NEDD4L: variants seen among roughly 807,000 people sequenced by gnomAD.
NEDD4L encodes NEDD4 like E3 ubiquitin protein ligase, also known as E3 ubiquitin-protein ligase NEDD4-like.
NEDD4L carries 54 observed loss-of-function variants against 148.9 expected under a neutral mutation model. The observed-to-expected ratio is 0.36, with a 90% CI of 0.29 to 0.45. NEDD4L has a LOEUF of 0.45. Ranked by LOEUF, NEDD4L falls within the 20% of genes least tolerant of loss-of-function variation. NEDD4L has a pLI of 1.00. For missense variants in NEDD4L, 856 were observed against 1,233.8 expected (o/e 0.69, Z 4.59); for synonymous variants, 433 against 440.7 (o/e 0.98, Z 0.22).
intron 1 of NEDD4L, among the ~76,000 whole-genome samples, chr18:58,111,903 C>T (rs189987768): frequency 6.6e-6 from 1 of 152,192 alleles, no homozygotes; most frequent in Non-Finnish European, 1.5e-5. Context: ...CATTCCCCCC[C>T]AGCAGTGTCT....
chr18:58,169,829 T>C (rs1477102552), intron 2 of NEDD4L, among the ~76,000 whole-genome samples: 1 of 152,160 alleles, frequency 6.6e-6, no homozygotes, highest in African/African-American at 2.4e-5. Flanking sequence ...CACAGGCTGC[T>C]GCTCTGTCCC....
intron 1 of NEDD4L, 149 bp downstream of exon 1, chr18:58,044,857 G>A (rs2081501119): frequency 1.1e-6 from 1 of 934,688 alleles, no homozygotes; most frequent in Non-Finnish European, 1.5e-6. Flanking sequence ...GCGGGATCCA[G>A]GGGAGCTTGG....
intron 2 of NEDD4L, among the ~76,000 whole-genome samples, chr18:58,184,817 A>G (rs1330657210): frequency 9.9e-5 from 15 of 152,086 alleles, no homozygotes; most frequent in Admixed American, 9.8e-4. Context: ...AGTCCCAGCT[A>G]CTTGGGAGGC....
chr18:58,298,422 A>T (rs973560953), intron 5 of NEDD4L, among the ~76,000 whole-genome samples: 1 of 152,242 alleles, frequency 6.6e-6, no homozygotes, highest in South Asian at 2.1e-4. Flanking sequence ...TCCACTGCAC[A>T]ATTAGGGCTT....
chr18:58,322,176 G>A (rs767422759), intron 6 of NEDD4L, among the ~76,000 whole-genome samples: 6 of 152,122 alleles, frequency 3.9e-5, no homozygotes, highest in Non-Finnish European at 8.8e-5. Context: ...ATTTTACTTG[G>A]CAATGACAGC....
rs2047150435 is a variant in NEDD4L, at chr18:58,245,561, A to G, written c.204+53A>G. 7 of 939,236 alleles carry G rather than the reference A, an allele frequency of 7.5e-6. No individual in the cohort carries two copies. In the East Asian group the frequency reaches 7.9e-5, roughly 11 times the overall value. 58.2% of individuals were successfully genotyped at this position (939,236 alleles called of 1,614,324 possible). ...ATTTAAGTCATAATTTAATCCAATT[A>G]TGCACAGTCATGTGCTGCTTAACAC... On this transcript the variant is annotated intron_variant, in intron 3 of 30. Transcript: ENST00000400345.
At chr18:58,188,462 G>A (rs2039718135) in intron 2 of NEDD4L, among the ~76,000 whole-genome samples, 1 of 152,196 alleles carries the variant, frequency 6.6e-6, no homozygotes, top group African/African-American at 2.4e-5. Flanking sequence ...TGCAGACTGG[G>A]AAACAGAGTC....
intron 1 of NEDD4L, among the ~76,000 whole-genome samples, chr18:58,123,070 C>T (rs1422831276): frequency 2.0e-5 from 3 of 152,190 alleles, no homozygotes; most frequent in African/African-American, 4.8e-5. Flanking sequence ...GTTCTTGCCT[C>T]TGTGCCTTTT....
intron 2 of NEDD4L, among the ~76,000 whole-genome samples, chr18:58,202,643 G>C (rs936666759): frequency 2.0e-5 from 3 of 152,240 alleles, no homozygotes; most frequent in Non-Finnish European, 4.4e-5. Context: ...GTTCACACCA[G>C]CCTCCCCCTG....
intron 17 of NEDD4L, 35 bp downstream of exon 17, chr18:58,349,649 T>C (rs781171225): frequency 6.6e-7 from 1 of 1,504,912 alleles, no homozygotes; most frequent in East Asian, 2.3e-5. Flanking sequence ...ATGGTCTGAA[T>C]ATGTGTGTTC....
chr18:58,201,315 A>G (rs1351457210), intron 2 of NEDD4L, among the ~76,000 whole-genome samples: 1 of 151,946 alleles, frequency 6.6e-6, no homozygotes, highest in African/African-American at 2.4e-5. Context: ...CTTGGGTGAC[A>G]GAGTGTGATC....
chr18:58,098,419 C>A (rs964914033), intron 1 of NEDD4L, among the ~76,000 whole-genome samples: 29 of 152,166 alleles, frequency 1.9e-4, no homozygotes, highest in African/African-American at 6.3e-4. Flanking sequence ...TAAGCACTCT[C>A]AGCCTCCGGG....
chr18:58,167,824 C>T (rs950998033), intron 2 of NEDD4L, among the ~76,000 whole-genome samples: 2 of 152,086 alleles, frequency 1.3e-5, no homozygotes, highest in Non-Finnish European at 2.9e-5. Context: ...CCAATGAAAT[C>T]TGTAGTGCTG....
In NEDD4L at chr18:58,102,156, T is replaced by C. The variant is rs552397050; in HGVS notation, c.48+57448T>C. On this transcript the variant is annotated intron_variant, in intron 1 of 30. Coordinates refer to ENST00000400345, the MANE Select transcript of NEDD4L (RefSeq NM_001144967.3). Reference sequence around the variant, plus strand: ...TAAGGTCGGGTATGTATTTCCTTTCTTCTCATCTTCTTCCCCCTCCATGAC... The same window carrying C: ...TAAGGTCGGGTATGTATTTCCTTTCCTCTCATCTTCTTCCCCCTCCATGAC... Among the ~76,000 whole-genome samples, 67 of 152,314 alleles carry C rather than the reference T, an allele frequency of 4.4e-4. 1 individual carries two copies. The South Asian group carries it at 0.014, about 32-fold the overall frequency.
intron 1 of NEDD4L, among the ~76,000 whole-genome samples, chr18:58,117,318 C>T (rs2085913112): frequency 6.6e-6 from 1 of 152,228 alleles, no homozygotes; most frequent in African/African-American, 2.4e-5. Flanking sequence ...CAAGATAATA[C>T]ACAATCAATT....
chr18:58,376,821 T>C (rs994846234), intron 24 of NEDD4L, among the ~76,000 whole-genome samples: 2 of 152,154 alleles, frequency 1.3e-5, no homozygotes, highest in Non-Finnish European at 2.9e-5. Context: ...CTCTCCCTGC[T>C]CCTCCTCCAG....
intron 5 of NEDD4L, chr18:58,255,619 C>T (rs2048420755): frequency 3.2e-6 from 4 of 1,232,472 alleles, no homozygotes; most frequent in Admixed American, 4.2e-5. Flanking sequence ...TTGCCCTAGC[C>T]CTCCTGGCCC....
intron 1 of NEDD4L, among the ~76,000 whole-genome samples, chr18:58,110,350 G>A (rs1434728509): frequency 6.6e-6 from 1 of 152,186 alleles, no homozygotes; most frequent in Non-Finnish European, 1.5e-5. Context: ...TGTATCTAGG[G>A]TAGTCATTAA....
intron 2 of NEDD4L, among the ~76,000 whole-genome samples, chr18:58,204,073 T>A (rs2041727666): frequency 6.6e-6 from 1 of 152,214 alleles, no homozygotes. Flanking sequence ...ACGCCTGTAA[T>A]CCCAGCACTT....
Sources: allele counts gnomAD v4.1 joint callset (sites outside exome capture counted in the v4.1 genomes callset), GRCh38; gene constraint gnomAD v4.1.1; transcripts MANE v1.5; gene names NCBI Gene and HGNC (gene_info 2026-07-23, HGNC 2026-07-21).